SBF2: variants seen among roughly 807,000 people sequenced by gnomAD.
SBF2 encodes SET binding factor 2.
SBF2 carries 112 observed loss-of-function variants against 225.2 expected under a neutral mutation model. The observed-to-expected ratio is 0.50, with a 90% CI of 0.43 to 0.58. The LOEUF (loss-of-function observed/expected upper bound fraction) is 0.58, where lower values mean the gene tolerates loss of function less well. Ranked by LOEUF, SBF2 falls within the 20% of genes least tolerant of loss-of-function variation. SBF2 has a pLI of 0.00. For missense variants in SBF2, 1,996 were observed against 2,206.2 expected (o/e 0.90, Z 1.91); for synonymous variants, 763 against 773.3 (o/e 0.99, Z 0.22).
chr11:9,860,060 T>C (rs191380558), intron 17 of SBF2, among the ~76,000 whole-genome samples: 78 of 152,264 alleles, frequency 5.1e-4, no homozygotes, highest in Non-Finnish European at 8.4e-4. Context: ...TGTCTACCTA[T>C]GGGAAATCAT....
At chr11:9,787,344 T>G (rs1852440544) in intron 36 of SBF2, among the ~76,000 whole-genome samples, 1 of 152,196 alleles carries the variant, frequency 6.6e-6, no homozygotes, top group African/African-American at 2.4e-5. Context: ...TGGTAGAAGA[T>G]CAGCTGAAAC....
In SBF2 at chr11:10,070,191, T is replaced by C. The variant is rs1036461794; in HGVS notation, c.142-27210A>G. Among the ~76,000 whole-genome samples the C allele has an allele frequency of 3.9e-4, 60 of 152,260 alleles. 1 individual carries two copies. The highest frequency in any genetic ancestry group is 1.0e-4 in the Non-Finnish European group (7 of 68,046). ...TCCCATTTGTCAATTTTGGCTTTTG[T>C]TGCCATTGCTTTTGGTGTTTTAGCC... On this transcript the variant is annotated intron_variant, in intron 2 of 39. Coordinates refer to ENST00000256190, the MANE Select transcript of SBF2 (RefSeq NM_030962.4).
chr11:9,820,933 T>C (rs543301280), intron 28 of SBF2, among the ~76,000 whole-genome samples: 4 of 152,344 alleles, frequency 2.6e-5, no homozygotes, highest in African/African-American at 9.6e-5. Context: ...GCTACTGGTA[T>C]GTTCACTTTA....
At chr11:10,159,884 C>T (rs892056108) in intron 2 of SBF2, among the ~76,000 whole-genome samples, 3 of 150,996 alleles carry the variant, frequency 2.0e-5, no homozygotes, top group South Asian at 2.1e-4. Context: ...AGCAAGACTC[C>T]GTCTCAAAAA....
intron 2 of SBF2, among the ~76,000 whole-genome samples, chr11:10,087,094 C>T (rs1478391279): frequency 6.6e-6 from 1 of 152,098 alleles, no homozygotes; most frequent in Non-Finnish European, 1.5e-5. Flanking sequence ...GACCACTTAG[C>T]CATTTTGTCT....
chr11:9,885,934 C>T (rs752485286), intron 17 of SBF2, among the ~76,000 whole-genome samples: 3 of 152,128 alleles, frequency 2.0e-5, no homozygotes, highest in Non-Finnish European at 4.4e-5. Context: ...GGGATGCGTT[C>T]TCCCTTCAGT....
At chr11:9,994,694 AT>A (rs1263448128) in intron 9 of SBF2, among the ~76,000 whole-genome samples, 5 of 151,882 alleles carry the variant, frequency 3.3e-5, no homozygotes, top group Non-Finnish European at 7.4e-5. Context: ...ATATAGTTGA[AT>A]TTTTAAAAAC....
chr11:9,816,931 G>A lies in SBF2; in HGVS notation c.3887C>T (p.Ser1296Leu), dbSNP rs767811228. ...GTAGCTGCTGTTACTGAAGGAGGCCGAGTGATCCTTGCCTGCCAGCCGGGC... is the reference window on the plus strand; with the variant it reads ...GTAGCTGCTGTTACTGAAGGAGGCCAAGTGATCCTTGCCTGCCAGCCGGGC... ...VGARLAGKDH[S>L]ASFSNSSYLQ... Residue 1296 changes from serine (S) to leucine (L), a missense_variant, in exon 29 of 40, where the codon TCG becomes TTG. Ser to Leu is a moderately radical substitution (Grantham distance 145). Transcript: ENST00000256190. The A allele has an allele frequency of 7.4e-6, 12 of 1,614,030 alleles. No homozygotes were observed. The highest frequency in any genetic ancestry group is 3.3e-5 in the Admixed American group (2 of 60,000).
At chr11:9,973,480 A>G (rs1946547144) in intron 13 of SBF2, among the ~76,000 whole-genome samples, 3 of 152,260 alleles carry the variant, frequency 2.0e-5, no homozygotes, top group Non-Finnish European at 4.4e-5. Context: ...ACCAAAATAA[A>G]CTACTGAAAA....
At position 10,087,975 on chromosome 11, in the gene SBF2, A is replaced by C. The variant is rs529783812; in HGVS notation, c.142-44994T>G. Reference sequence around the variant, plus strand: ...TAATATGTGGTAGGTTCTGTATCACATATCGTTGTAATTTGAAGTGTCAAA... The same window carrying C: ...TAATATGTGGTAGGTTCTGTATCACCTATCGTTGTAATTTGAAGTGTCAAA... On this transcript the variant is annotated intron_variant, in intron 2 of 39. Coordinates refer to ENST00000256190, the MANE Select transcript of SBF2 (RefSeq NM_030962.4). Among the ~76,000 whole-genome samples, 7 of 151,682 alleles carry C rather than the reference A, an allele frequency of 4.6e-5. No homozygotes were observed. In the South Asian group the frequency reaches 1.5e-3, roughly 32 times the overall value.
At chr11:10,188,882 T>C (rs1244142639) in intron 2 of SBF2, among the ~76,000 whole-genome samples, 1 of 152,230 alleles carries the variant, frequency 6.6e-6, no homozygotes, top group Non-Finnish European at 1.5e-5. Flanking sequence ...ACTTTTAAAA[T>C]CCTTTTTATA....
At chr11:9,988,124 C>T (rs1446165248) in intron 13 of SBF2, among the ~76,000 whole-genome samples, 1 of 152,128 alleles carries the variant, frequency 6.6e-6, no homozygotes, top group Non-Finnish European at 1.5e-5. Flanking sequence ...TTACAGCCAA[C>T]TGATCTTTGA....
intron 32 of SBF2, among the ~76,000 whole-genome samples, chr11:9,799,718 G>A (rs927288197): frequency 6.6e-6 from 1 of 152,170 alleles, no homozygotes; most frequent in African/African-American, 2.4e-5. Flanking sequence ...CTCTTACGGT[G>A]CTTAGATTTC....
chr11:10,299,135 G>A (rs1001015835), upstream of SBF2, among the ~76,000 whole-genome samples: 4 of 152,030 alleles, frequency 2.6e-5, no homozygotes, highest in African/African-American at 4.8e-5. Flanking sequence ...TCAGCAGATC[G>A]AGATCATCCT....
intron 6 of SBF2, among the ~76,000 whole-genome samples, chr11:10,026,446 C>G (rs1949059204): frequency 6.6e-6 from 1 of 152,094 alleles, no homozygotes; most frequent in Non-Finnish European, 1.5e-5. Flanking sequence ...AAATTTACTT[C>G]CAGGCTGCAT....
intron 29 of SBF2, 50 bp downstream of exon 29, chr11:9,816,790 C>A: frequency 6.4e-7 from 1 of 1,569,514 alleles, no homozygotes; most frequent in Non-Finnish European, 8.7e-7. Context: ...GTTTTATCAA[C>A]AGCCCTAGCG....
chr11:10,297,642 A>C (rs190410144), upstream of SBF2, among the ~76,000 whole-genome samples: 199 of 152,322 alleles, frequency 1.3e-3, 2 homozygotes, highest in Middle Eastern at 0.027. Flanking sequence ...ATTTTTTAAA[A>C]TCAAAGTTTA....
intron 3 of SBF2, among the ~76,000 whole-genome samples, chr11:10,037,116 T>C (rs1250025991): frequency 6.6e-6 from 1 of 152,194 alleles, no homozygotes; most frequent in Non-Finnish European, 1.5e-5. Flanking sequence ...AAGGGGACTG[T>C]TAAGATTCAG....
chr11:9,903,927 T>C (rs1414848914), intron 16 of SBF2, among the ~76,000 whole-genome samples: 1 of 152,182 alleles, frequency 6.6e-6, no homozygotes, highest in Non-Finnish European at 1.5e-5. Context: ...CTGCATTCAA[T>C]TAACACTTTA....
Sources: gnomAD v4.1 joint callset for allele counts (sites outside exome capture counted in the v4.1 genomes callset) on GRCh38, gnomAD v4.1.1 for gene constraint, MANE v1.5 for transcripts, NCBI Gene and HGNC (gene_info 2026-07-23, HGNC 2026-07-21) for gene names.